UBAP1: variants seen among roughly 807,000 people sequenced by gnomAD.
The protein encoded by UBAP1 is ubiquitin associated protein 1, also known as ubiquitin-associated protein 1.
In UBAP1, 5 loss-of-function variants were observed where a neutral mutation model predicts 39.0. That is an observed-to-expected ratio of 0.13 (90% CI 0.07 to 0.27). The LOEUF (loss-of-function observed/expected upper bound fraction) is 0.27. Among genes scored for constraint, UBAP1 ranks in the 10% least tolerant of loss-of-function variants. The pLI is 1.00. For missense variants in UBAP1, 490 were observed against 608.1 expected (o/e 0.81, Z 2.04); for synonymous variants, 211 against 225.1 (o/e 0.94, Z 0.56).
chr9:34,241,007 A>G (rs2131619671), intron 3 of UBAP1, among the ~76,000 whole-genome samples, 178 bp from the exon 4 acceptor site: 1 of 152,280 alleles, frequency 6.6e-6, no homozygotes, highest in East Asian at 1.9e-4. Flanking sequence ...TAGTTTGGTT[A>G]AATCTTACAA....
chr9:34,194,384 G>A (rs1214150053), intron 1 of UBAP1, among the ~76,000 whole-genome samples: 2 of 150,594 alleles, frequency 1.3e-5, no homozygotes, highest in South Asian at 2.1e-4. Flanking sequence ...GCACAATCTC[G>A]GCTCGCTGTA....
intron 2 of UBAP1, among the ~76,000 whole-genome samples, chr9:34,233,639 C>T (rs1052534960): frequency 6.6e-6 from 1 of 151,606 alleles, no homozygotes; most frequent in Non-Finnish European, 1.5e-5. Flanking sequence ...GAAAGAGAAA[C>T]AATAAATATA....
intron 1 of UBAP1, chr9:34,206,268 A>G (rs1831684245): frequency 6.6e-6 from 1 of 152,198 alleles, no homozygotes. Context: ...ATAAGCCTTA[A>G]GGATACCTTA....
chr9:34,190,575 C>T (rs1830656954), intron 1 of UBAP1, among the ~76,000 whole-genome samples: 1 of 151,936 alleles, frequency 6.6e-6, no homozygotes, highest in Non-Finnish European at 1.5e-5. Context: ...CAGACTTGAG[C>T]CACCATGCCT....
chr9:34,233,057 G>A lies in UBAP1; in HGVS notation c.35-1159G>A, dbSNP rs1031238635. On this transcript the variant is annotated intron_variant, in intron 2 of 6. Transcript: ENST00000297661. Reference sequence around the variant, plus strand: ...AGTTATGATGGGCAAAGAACCTGTAGGAGATTAAAGCAGCTCCATTGTGTA... The same window carrying A: ...AGTTATGATGGGCAAAGAACCTGTAAGAGATTAAAGCAGCTCCATTGTGTA... 4.6e-5 allele frequency among the ~76,000 whole-genome samples: 7 copies of A among 152,264 alleles called. No individual in the cohort carries two copies. In the South Asian group the frequency reaches 1.4e-3, roughly 32 times the overall value.
At chr9:34,202,914 A>T (rs888014195) in intron 1 of UBAP1, among the ~76,000 whole-genome samples, 1 of 152,042 alleles carries the variant, frequency 6.6e-6, no homozygotes, top group Non-Finnish European at 1.5e-5. Flanking sequence ...ATGTTTTCTC[A>T]ATTTTTTTAT....
At chr9:34,224,814 A>G (rs551574046) in intron 2 of UBAP1, among the ~76,000 whole-genome samples, 22 of 152,358 alleles carry the variant, frequency 1.4e-4, no homozygotes, top group Non-Finnish European at 1.5e-4. Context: ...TTAGAAAGCC[A>G]GGAACTAAGG....
intron 2 of UBAP1, among the ~76,000 whole-genome samples, chr9:34,231,879 C>A (rs898434361): frequency 6.6e-6 from 1 of 151,684 alleles, no homozygotes; most frequent in Non-Finnish European, 1.5e-5. Context: ...GATCCGCCCA[C>A]CTCAGCCTCC....
intron 2 of UBAP1, among the ~76,000 whole-genome samples, chr9:34,232,073 C>T (rs1833451887): frequency 6.6e-6 from 1 of 152,122 alleles, no homozygotes. Flanking sequence ...AGGCTCACTG[C>T]ACCTTCCGCC....
At chr9:34,233,998 T>C (rs976665145) in intron 2 of UBAP1, among the ~76,000 whole-genome samples, 3 of 152,166 alleles carry the variant, frequency 2.0e-5, no homozygotes, top group African/African-American at 7.2e-5. Context: ...GCTTTTACAC[T>C]AAGTGCCATT....
chr9:34,181,649 G>C (rs1417115786), intron 1 of UBAP1, among the ~76,000 whole-genome samples: 2 of 146,890 alleles, frequency 1.4e-5, no homozygotes, highest in Admixed American at 1.4e-4. Context: ...AGCCAGGATG[G>C]TCTCGATCTC....
chr9:34,193,293 A>T (rs1362681244), intron 1 of UBAP1, among the ~76,000 whole-genome samples: 1 of 152,168 alleles, frequency 6.6e-6, no homozygotes, highest in Non-Finnish European at 1.5e-5. Flanking sequence ...CCTGGGTGAC[A>T]GAGTGAGACT....
At chr9:34,181,755 G>A (rs1186490986) in intron 1 of UBAP1, among the ~76,000 whole-genome samples, 2 of 146,674 alleles carry the variant, frequency 1.4e-5, no homozygotes, top group African/African-American at 2.5e-5. Flanking sequence ...TTTTAATGAA[G>A]GCAAAGGAAA....
intron 1 of UBAP1, among the ~76,000 whole-genome samples, chr9:34,185,959 G>T (rs539682585): frequency 8.8e-4 from 134 of 152,324 alleles, no homozygotes; most frequent in African/African-American, 3.0e-3. Flanking sequence ...CAGAGGTTGT[G>T]TAACTTAACT....
At chr9:34,198,451 A>C (rs1024813139) in intron 1 of UBAP1, among the ~76,000 whole-genome samples, 2 of 152,050 alleles carry the variant, frequency 1.3e-5, no homozygotes, top group Non-Finnish European at 2.9e-5. Flanking sequence ...AGTTTCAGCT[A>C]TACTATTAGG....
chr9:34,251,638 G>A lies in UBAP1; in HGVS notation c.*106G>A. On this transcript the variant is annotated 3_prime_UTR_variant, in exon 7 of 7. Coordinates refer to ENST00000297661, the MANE Select transcript of UBAP1 (RefSeq NM_016525.5). ...GGGCAGCTTCCGGATTTTCTTTTGGGGGTTAGAAGGTCAGGTGTGGAGACT... is the reference window on the plus strand; with the variant it reads ...GGGCAGCTTCCGGATTTTCTTTTGGAGGTTAGAAGGTCAGGTGTGGAGACT... 2.3e-6 allele frequency: 3 copies of A among 1,304,648 alleles called. No homozygotes were observed. The highest frequency in any genetic ancestry group is 3.1e-6 in the Non-Finnish European group (3 of 966,210). The allele number at this position is 1,304,648 out of a possible 1,614,324, so 80.8% of individuals were successfully genotyped here.
In UBAP1 at chr9:34,241,613, G is replaced by A; in HGVS notation, c.588G>A (p.Leu196=). The change falls in exon 4 of 7, where the codon TTG becomes TTA. Residue 196 remains leucine (L), a synonymous_variant. Transcript: ENST00000297661. ...CTGGACCCATTATGGCTCAGTTATT[G>A]GACAATAACTTGCCCAGGGGAGGCT... ...GTTGPIMAQL[L]DNNLPRGGSG... 6.2e-7 allele frequency: 1 copy of A among 1,614,072 alleles called. No homozygotes were observed. The highest frequency in any genetic ancestry group is 8.5e-7 in the Non-Finnish European group (1 of 1,180,016).
At chr9:34,210,418 A>T (rs1437171961) in intron 1 of UBAP1, among the ~76,000 whole-genome samples, 1 of 152,194 alleles carries the variant, frequency 6.6e-6, no homozygotes, top group African/African-American at 2.4e-5. Context: ...TTCTGTTCAA[A>T]TAAAAATTTA....
At chr9:34,182,828 A>G (rs1255798127) in intron 1 of UBAP1, among the ~76,000 whole-genome samples, 7 of 151,762 alleles carry the variant, frequency 4.6e-5, no homozygotes, top group Non-Finnish European at 2.9e-5. Flanking sequence ...CTCCTGCCTC[A>G]GCCTCCTGAA....
Sources: allele counts gnomAD v4.1 joint callset (sites outside exome capture counted in the v4.1 genomes callset), GRCh38; gene constraint gnomAD v4.1.1; transcripts MANE v1.5; gene names NCBI Gene and HGNC (gene_info 2026-07-23, HGNC 2026-07-21).